The following NFIB variants were observed in gnomAD, a reference collection of about 807,000 sequenced individuals.
NFIB encodes nuclear factor 1 B-type.
NFIB carries 11 observed loss-of-function variants against 61.5 expected under a neutral mutation model. The observed-to-expected ratio is 0.18, with a 90% CI of 0.11 to 0.30. NFIB has a LOEUF of 0.30. NFIB is among the 10% of genes least tolerant of loss of function. The pLI is 1.00. For synonymous variants in NFIB, 260 were observed against 216.5 expected, an observed-to-expected ratio of 1.20 and a Z score of -1.76; for missense variants, 471 against 608.9, an observed-to-expected ratio of 0.77 and a Z score of 2.38.
chr9:14,448,668 G>C, the NFIB span, among the ~76,000 whole-genome samples: 3 of 152,138 alleles, frequency 2.0e-5, no homozygotes, highest in Non-Finnish European at 4.4e-5. Context: ...GACAAGGGTA[G>C]GACTTTTATT....
At chr9:14,345,220 C>T (rs1170682204) in intron 1 of NFIB, among the ~76,000 whole-genome samples, 1 of 152,150 alleles carries the variant, frequency 6.6e-6, no homozygotes, top group Non-Finnish European at 1.5e-5. Flanking sequence ...TCTCCAAAGC[C>T]TTTAACTTTT....
the NFIB span, among the ~76,000 whole-genome samples, chr9:14,444,410 A>C: frequency 0.029 from 4,469 of 152,302 alleles, 96 homozygotes; most frequent in Middle Eastern, 0.041. Flanking sequence ...GGCTAGAAAA[A>C]ATTGACACTT....
the NFIB span, among the ~76,000 whole-genome samples, chr9:14,419,287 T>TAAAAAAAA: frequency 2.4e-5 from 3 of 127,078 alleles, no homozygotes; most frequent in African/African-American, 8.8e-5. Flanking sequence ...GCAGCACTGT[T>TAAAAAAAA]AAAAAAAAAA....
At chr9:14,319,823 A>C (rs2060622822) in intron 1 of NFIB, among the ~76,000 whole-genome samples, 2 of 152,246 alleles carry the variant, frequency 1.3e-5, no homozygotes, top group Non-Finnish European at 2.9e-5. Context: ...ACAAAATTTC[A>C]AAGTCAAAGC....
intron 2 of NFIB, among the ~76,000 whole-genome samples, chr9:14,292,414 C>A (rs990038429): frequency 6.6e-6 from 1 of 152,204 alleles, no homozygotes; most frequent in East Asian, 1.9e-4. Context: ...AGTCAGGTTA[C>A]ACATTTTCTA....
rs2057178935 is a variant in NFIB, at chr9:14,266,097, T to C, written c.562+40892A>G. The stretch of plus-strand genomic sequence containing the variant: ...GTTCCTCTCCCGTACTCACTCACTG[T>C]AGACCTCTCTCAAGGGTCCATCTGT... On this transcript the variant is annotated intron_variant, in intron 2 of 10. Coordinates refer to ENST00000380953, the MANE Select transcript of NFIB (RefSeq NM_001190737.2). Among the ~76,000 whole-genome samples, 5 of 152,316 alleles carry C rather than the reference T, an allele frequency of 3.3e-5. No individual in the cohort carries two copies. The South Asian group carries it at 1.0e-3, about 32-fold the overall frequency.
chr9:14,514,141 T>C, the NFIB span, among the ~76,000 whole-genome samples: 11 of 152,322 alleles, frequency 7.2e-5, 1 homozygote, highest in Middle Eastern at 0.01. Context: ...ATTACATTTA[T>C]TGAGCATTGT....
intron 4 of NFIB, among the ~76,000 whole-genome samples, chr9:14,150,604 G>C (rs933151358): frequency 6.6e-6 from 1 of 151,934 alleles, no homozygotes; most frequent in Non-Finnish European, 1.5e-5. Context: ...CAGAATATAC[G>C]AGTCCTATCA....
chr9:14,132,831 T>A (rs552980747), intron 6 of NFIB, among the ~76,000 whole-genome samples: 1 of 152,182 alleles, frequency 6.6e-6, no homozygotes, highest in African/African-American at 2.4e-5. Flanking sequence ...TTTGAAAGTG[T>A]TGAGATTATA....
At chr9:14,250,148 A>G (rs757016464) in intron 2 of NFIB, among the ~76,000 whole-genome samples, 2 of 152,194 alleles carry the variant, frequency 1.3e-5, no homozygotes, top group Admixed American at 1.3e-4. Context: ...TTTTAGCTCT[A>G]ACAGGGAGGA....
the NFIB span, among the ~76,000 whole-genome samples, chr9:14,507,229 G>C: frequency 6.6e-6 from 1 of 152,108 alleles, no homozygotes; most frequent in African/African-American, 2.4e-5. Context: ...CTGAATTCTG[G>C]CTTTCAATCC....
intron 1 of NFIB, among the ~76,000 whole-genome samples, chr9:14,324,847 C>A (rs1318925942): frequency 6.6e-6 from 1 of 151,976 alleles, no homozygotes; most frequent in Non-Finnish European, 1.5e-5. Context: ...CAAATATGTA[C>A]ACATATTATC....
chr9:14,461,716 A>G, the NFIB span, among the ~76,000 whole-genome samples: 1 of 152,278 alleles, frequency 6.6e-6, no homozygotes, highest in Admixed American at 6.5e-5. Context: ...CCATCTATTC[A>G]GCTTATTTTC....
At chr9:14,092,189 T>C (rs768481582) in intron 10 of NFIB, among the ~76,000 whole-genome samples, 1 of 152,092 alleles carries the variant, frequency 6.6e-6, no homozygotes, top group African/African-American at 2.4e-5. Context: ...AATTATGTCA[T>C]TGCAGAACAG....
intron 2 of NFIB, among the ~76,000 whole-genome samples, chr9:14,231,119 G>T (rs2053084616): frequency 2.8e-5 from 1 of 35,420 alleles, no homozygotes. Context: ...TTTTCCATGG[G>T]GAAAAAAAAA....
At chr9:14,183,130 C>A (rs578215337) in intron 2 of NFIB, among the ~76,000 whole-genome samples, 4 of 152,170 alleles carry the variant, frequency 2.6e-5, no homozygotes, top group African/African-American at 9.6e-5. Context: ...TCTGTCCATC[C>A]CAACACACGC....
At chr9:14,192,437 A>G (rs2048050401) in intron 2 of NFIB, among the ~76,000 whole-genome samples, 1 of 152,186 alleles carries the variant, frequency 6.6e-6, no homozygotes, top group East Asian at 1.9e-4. Flanking sequence ...CACCCCCAAA[A>G]TTAGAATTGC....
chr9:14,305,454 T>A (rs771192551), intron 2 of NFIB, among the ~76,000 whole-genome samples: 15 of 152,310 alleles, frequency 9.8e-5, no homozygotes, highest in Admixed American at 4.6e-4. Flanking sequence ...CATCTGTCAA[T>A]CAAATAAGTG....
chr9:14,329,270 G>A (rs2060792377), intron 1 of NFIB, among the ~76,000 whole-genome samples: 1 of 152,144 alleles, frequency 6.6e-6, no homozygotes, highest in Admixed American at 6.5e-5. Flanking sequence ...CTCTAAACAA[G>A]CACTCTTTGT....
Sources: gnomAD v4.1 joint callset for allele counts (sites outside exome capture counted in the v4.1 genomes callset) on GRCh38, gnomAD v4.1.1 for gene constraint, MANE v1.5 for transcripts, NCBI Gene and HGNC (gene_info 2026-07-23, HGNC 2026-07-21) for gene names.